The following FAM124A variants were observed in gnomAD, a reference collection of about 807,000 sequenced individuals.
FAM124A encodes protein FAM124A.
Under a neutral mutation model 24.5 loss-of-function variants are expected in FAM124A, and 23 were observed. The observed-to-expected ratio is 0.94, with a 90% confidence interval of 0.68 to 1.33. The LOEUF (loss-of-function observed/expected upper bound fraction) is 1.33. Among genes scored for constraint, FAM124A ranks in the 40% most tolerant of loss-of-function variants. The pLI is 0.00. For synonymous variants in FAM124A, 287 were observed against 314.7 expected (o/e 0.91, Z 0.93); for missense variants, 623 against 722.8 (o/e 0.86, Z 1.58).
intron 3 of FAM124A, among the ~76,000 whole-genome samples, chr13:51,278,561 G>A (rs1227910108): frequency 6.6e-6 from 1 of 152,182 alleles, no homozygotes; most frequent in African/African-American, 2.4e-5. Context: ...TCAAGCACCT[G>A]CCTCCTGCTG....
chr13:51,268,138 G>C (rs544821629), intron 3 of FAM124A, among the ~76,000 whole-genome samples: 2 of 152,346 alleles, frequency 1.3e-5, no homozygotes, highest in African/African-American at 4.8e-5. Flanking sequence ...TAGCCCAGCT[G>C]CATTCCTGCA....
At position 51,251,448 on chromosome 13, in the gene FAM124A, C is replaced by G. The variant is rs529850427; in HGVS notation, c.101-20C>G. On this transcript the variant is annotated intron_variant, in intron 2 of 3. Coordinates refer to ENST00000322475, the MANE Select transcript of FAM124A (RefSeq NM_001242312.2). This position sits in a 1 kb window ranked among gnomAD's most constrained non-coding sequence, Gnocchi z 5.3. ...TCATAATTGTATTCATTCATCCATT[C>G]GTTTTTTGCGTGCCCCCAGGTGAGC... 6.7e-7 allele frequency: 1 copy of G among 1,494,482 alleles called. No homozygotes were observed. Among genetic ancestry groups the G allele is most frequent in the East Asian group, 2.3e-5 (1 of 43,446 alleles). 92.6% of individuals were successfully genotyped at this position (1,494,482 alleles called of 1,614,324 possible). A position where few individuals can be genotyped will look rare whatever the true frequency, so the allele number is the denominator to read the frequency against.
intron 3 of FAM124A, among the ~76,000 whole-genome samples, chr13:51,255,985 A>G (rs1252164253): frequency 1.3e-5 from 2 of 152,208 alleles, no homozygotes; most frequent in East Asian, 3.9e-4. Flanking sequence ...TAGGTAAAGG[A>G]CAGGCTCATG....
intron 2 of FAM124A, among the ~76,000 whole-genome samples, chr13:51,248,935 A>G (rs1435876329): frequency 6.6e-6 from 1 of 152,150 alleles, no homozygotes; most frequent in Admixed American, 6.5e-5. Flanking sequence ...TATTTTGCCT[A>G]TAGCCAACTT....
At chr13:51,228,244 A>G (rs972952471) in intron 1 of FAM124A, among the ~76,000 whole-genome samples, 1 of 152,154 alleles carries the variant, frequency 6.6e-6, no homozygotes, top group Non-Finnish European at 1.5e-5. Flanking sequence ...TATGTAGTAT[A>G]TCATTTGGTA....
intron 1 of FAM124A, among the ~76,000 whole-genome samples, chr13:51,225,994 T>C (rs1275847349): frequency 7.5e-5 from 10 of 132,700 alleles, no homozygotes; most frequent in African/African-American, 8.9e-5. Flanking sequence ...TTTTTTTTTT[T>C]TTTTTTTTTT....
intron 1 of FAM124A, among the ~76,000 whole-genome samples, chr13:51,223,907 A>G (rs1954289537): frequency 6.6e-6 from 1 of 152,210 alleles, no homozygotes; most frequent in African/African-American, 2.4e-5. Context: ...TAACCAGCTT[A>G]TTTGTAACTG....
intron 2 of FAM124A, among the ~76,000 whole-genome samples, chr13:51,232,933 G>A (rs991524367): frequency 6.6e-6 from 1 of 152,176 alleles, no homozygotes; most frequent in African/African-American, 2.4e-5. Flanking sequence ...TATTTTAATT[G>A]CAGCCTCTGA....
intron 2 of FAM124A, among the ~76,000 whole-genome samples, chr13:51,235,482 A>C (rs1954426751): frequency 1.3e-5 from 2 of 152,228 alleles, no homozygotes; most frequent in African/African-American, 2.4e-5. Flanking sequence ...TCATACTTAG[A>C]GAATTACTCT....
At chr13:51,244,300 A>G (rs1954533037) in intron 2 of FAM124A, among the ~76,000 whole-genome samples, 1 of 152,152 alleles carries the variant, frequency 6.6e-6, no homozygotes, top group South Asian at 2.1e-4. Context: ...TACATCTTAT[A>G]TATTTGTTTA....
At chr13:51,238,668 A>G (rs1329721323) in intron 2 of FAM124A, among the ~76,000 whole-genome samples, 1 of 152,194 alleles carries the variant, frequency 6.6e-6, no homozygotes, top group Non-Finnish European at 1.5e-5. Flanking sequence ...CTGTTGGACC[A>G]TGGAAGTGGC....
intron 1 of FAM124A, among the ~76,000 whole-genome samples, chr13:51,227,974 G>T (rs1465813870): frequency 6.6e-6 from 1 of 152,172 alleles, no homozygotes; most frequent in Admixed American, 6.5e-5. Flanking sequence ...GATGAAAGGG[G>T]AAATGCTGTA....
chr13:51,252,150 C>G lies in FAM124A; in HGVS notation c.783C>G (p.Ser261Arg). Residue 261 changes from serine (S) to arginine (R), a missense_variant, in exon 3 of 4, where the codon AGC (serine) becomes AGG (arginine). Transcript: ENST00000322475. The part of the protein sequence containing the change: ...PLLPNPCSPI[S>R]EGRWQTEDHD... ...TGCCCAACCCTTGCAGCCCCATCAG[C>G]GAGGGGCGCTGGCAGACGGAGGACC... 6.2e-7 allele frequency: 1 copy of G among 1,613,848 alleles called. No individual in the cohort carries two copies.
Position 51,284,169 on chromosome 13 carries a change from G to A in FAM124A, c.*2913G>A, listed in dbSNP as rs770320553. ...AATACTCTCTGGAGGATCCTGACTCGTTTGGAGTATTATCCTTGTAAAAGA... is the reference window on the plus strand; with the variant it reads ...AATACTCTCTGGAGGATCCTGACTCATTTGGAGTATTATCCTTGTAAAAGA... On this transcript the variant is annotated 3_prime_UTR_variant, in exon 4 of 4. Transcript: ENST00000322475. 5 of 152,150 alleles carry A rather than the reference G, an allele frequency of 3.3e-5. No homozygotes were observed. The highest frequency in any genetic ancestry group is 7.2e-5 in the African/African-American group (3 of 41,426). 9.4% of individuals were successfully genotyped at this position (152,150 alleles called of 1,614,324 possible).
intron 2 of FAM124A, among the ~76,000 whole-genome samples, chr13:51,235,486 T>C (rs1490337748): frequency 6.6e-6 from 1 of 152,204 alleles, no homozygotes; most frequent in African/African-American, 2.4e-5. Context: ...ACTTAGAGAA[T>C]TACTCTTAGA....
At chr13:51,266,113 T>G (rs531063387) in intron 3 of FAM124A, among the ~76,000 whole-genome samples, 131 of 152,334 alleles carry the variant, frequency 8.6e-4, no homozygotes, top group African/African-American at 3.0e-3. Flanking sequence ...TTTGAAAGTT[T>G]TATAATAAAC....
intron 1 of FAM124A, among the ~76,000 whole-genome samples, chr13:51,226,582 C>CA (rs1566158954): frequency 6.6e-6 from 1 of 152,092 alleles, no homozygotes; most frequent in Non-Finnish European, 1.5e-5. Context: ...TTTCTCGCAG[C>CA]AATGCTCAAC....
chr13:51,233,017 G>T (rs1220848313), intron 2 of FAM124A, among the ~76,000 whole-genome samples: 1 of 152,114 alleles, frequency 6.6e-6, no homozygotes, highest in African/African-American at 2.4e-5. Context: ...AATGTTTGGT[G>T]GTTCCTGCCT....
Position 51,222,565 on chromosome 13 carries a change from G to A in FAM124A, c.64G>A (p.Gly22Arg). The A allele has an allele frequency of 8.2e-7, 1 of 1,225,970 alleles. No homozygotes were observed. The highest frequency in any genetic ancestry group is 1.0e-6 in the Non-Finnish European group (1 of 985,474). 75.9% of individuals were successfully genotyped at this position (1,225,970 alleles called of 1,614,324 possible). The change falls in exon 1 of 4, where the codon GGA (glycine) becomes AGA (arginine). Residue 22 changes from glycine to arginine, a missense_variant. Physicochemically the swap from Gly to Arg is moderately radical, Grantham distance 125. Transcript: ENST00000322475. Reference protein sequence around the residue: ...DDCVDSGAETGGSDYSHLSST... With the variant: ...DDCVDSGAETRGSDYSHLSST... ...CTGCGTGGACTCGGGCGCCGAGACCGGAGGGTGAGCCGCGCCGGGCCGGGC... is the reference window on the plus strand; with the variant it reads ...CTGCGTGGACTCGGGCGCCGAGACCAGAGGGTGAGCCGCGCCGGGCCGGGC...
Sources: allele counts gnomAD v4.1 joint callset (sites outside exome capture counted in the v4.1 genomes callset), GRCh38; gene constraint gnomAD v4.1.1; non-coding constraint Gnocchi (gnomAD v3.1); transcripts MANE v1.5; gene names NCBI Gene and HGNC (gene_info 2026-07-23, HGNC 2026-07-21).